The following ENOX1 variants were observed in gnomAD, a reference collection of about 807,000 sequenced individuals.
The protein encoded by ENOX1 is ecto-NOX disulfide-thiol exchanger 1.
A neutral mutation model predicts 82.5 loss-of-function variants in ENOX1; 42 were observed. That is an observed-to-expected ratio of 0.51 (90% CI 0.40 to 0.66). The LOEUF is 0.66. Among genes scored for constraint, ENOX1 ranks in the 30% least tolerant of loss-of-function variants. The probability of loss-of-function intolerance (pLI) is 0.00; values close to 1 mark genes in which losing one functional copy is unlikely to be tolerated. For synonymous variants in ENOX1, 271 were observed against 282.2 expected, an observed-to-expected ratio of 0.96 and a Z score of 0.40; for missense variants, 608 against 811.6, an observed-to-expected ratio of 0.75 and a Z score of 3.05.
chr13:43,337,676 C>T (rs562574645), intron 9 of ENOX1, among the ~76,000 whole-genome samples: 1 of 152,114 alleles, frequency 6.6e-6, no homozygotes, highest in Admixed American at 6.6e-5. Context: ...GATGACAGCA[C>T]ACCTCTTCAA....
chr13:43,379,690 T>C (rs2051895624), intron 5 of ENOX1, among the ~76,000 whole-genome samples: 1 of 151,496 alleles, frequency 6.6e-6, no homozygotes, highest in African/African-American at 2.4e-5. Flanking sequence ...CTGCAAGGAG[T>C]CTAAGATATT....
intron 11 of ENOX1, among the ~76,000 whole-genome samples, chr13:43,310,263 AT>A (rs1431719886): frequency 6.6e-6 from 1 of 151,890 alleles, no homozygotes; most frequent in Non-Finnish European, 1.5e-5. Flanking sequence ...AGCACTATTA[AT>A]CAAACACTAA....
intron 2 of ENOX1, among the ~76,000 whole-genome samples, chr13:43,526,713 C>A (rs1593638930): frequency 6.6e-6 from 1 of 152,226 alleles, no homozygotes; most frequent in East Asian, 1.9e-4. Context: ...TATTGTTATA[C>A]TCTAGCCTAC....
chr13:43,637,239 CTTAGAT>C (rs1421930941), intron 2 of ENOX1, among the ~76,000 whole-genome samples: 3 of 152,174 alleles, frequency 2.0e-5, no homozygotes, highest in Non-Finnish European at 4.4e-5. Context: ...ACACTCATAG[CTTAGAT>C]TTAGTCAGAA....
Position 43,299,228 on chromosome 13 carries a change from A to G in ENOX1, c.1262-698T>C, listed in dbSNP as rs191383748. 8.5e-5 allele frequency among the ~76,000 whole-genome samples: 13 copies of G among 152,332 alleles called. No homozygotes were observed. The East Asian group carries it at 2.5e-3, about 29-fold the overall frequency. ...CTTCATTCATATGTCTATCTTATTA[A>G]GAAACCAAGACAGTTAACTCAGGGT... On this transcript the variant is annotated intron_variant, in intron 11 of 16. Transcript: ENST00000690772.
intron 2 of ENOX1, among the ~76,000 whole-genome samples, chr13:43,598,488 G>A (rs1246905709): frequency 6.6e-6 from 1 of 152,116 alleles, no homozygotes; most frequent in African/African-American, 2.4e-5. Flanking sequence ...TTTAGAAAGC[G>A]TGGCCATTTT....
At chr13:43,295,473 G>A (rs1000492821) in intron 12 of ENOX1, among the ~76,000 whole-genome samples, 30 of 152,322 alleles carry the variant, frequency 2.0e-4, no homozygotes, top group African/African-American at 6.7e-4. Context: ...ACTGTGTGAT[G>A]TCAGTGAACA....
chr13:43,253,268 G>A (rs959818569), intron 14 of ENOX1, among the ~76,000 whole-genome samples: 27 of 150,350 alleles, frequency 1.8e-4, no homozygotes, highest in Middle Eastern at 3.4e-3. Context: ...TCCTGTTCCA[G>A]TCTTTCCCGC....
chr13:43,376,166 T>C (rs146612142), intron 5 of ENOX1, among the ~76,000 whole-genome samples: 2 of 152,342 alleles, frequency 1.3e-5, no homozygotes, highest in Non-Finnish European at 2.9e-5. Context: ...TTCAAATACA[T>C]TTGGTCAGTC....
At chr13:43,333,222 C>T (rs971787386) in intron 9 of ENOX1, among the ~76,000 whole-genome samples, 1 of 152,200 alleles carries the variant, frequency 6.6e-6, no homozygotes, top group South Asian at 2.1e-4. Context: ...TAAAAGAGCA[C>T]CTGAATTTTT....
At chr13:43,513,054 A>G (rs548320411) in intron 2 of ENOX1, among the ~76,000 whole-genome samples, 8 of 152,230 alleles carry the variant, frequency 5.3e-5, no homozygotes, top group Admixed American at 2.6e-4. Context: ...CACGCCTGCA[A>G]TCTCAGCACT....
At chr13:43,339,877 T>G (rs2048955269) in intron 9 of ENOX1, among the ~76,000 whole-genome samples, 1 of 152,240 alleles carries the variant, frequency 6.6e-6, no homozygotes, top group African/African-American at 2.4e-5. Context: ...GCCAGGAATA[T>G]TAATGCAGAC....
At chr13:43,373,128 G>C (rs560014177) in intron 5 of ENOX1, among the ~76,000 whole-genome samples, 1 of 151,874 alleles carries the variant, frequency 6.6e-6, no homozygotes, top group South Asian at 2.1e-4. Context: ...GTGTATATTA[G>C]AGTGTACATG....
At chr13:43,767,771 G>T (rs986818028) in intron 1 of ENOX1, among the ~76,000 whole-genome samples, 7 of 152,300 alleles carry the variant, frequency 4.6e-5, no homozygotes, top group Admixed American at 2.0e-4. Flanking sequence ...TTAATCAGTT[G>T]TCCACTGGCA....
At chr13:43,480,282 C>A (rs2153655182) in intron 3 of ENOX1, among the ~76,000 whole-genome samples, 2 of 152,234 alleles carry the variant, frequency 1.3e-5, no homozygotes, top group African/African-American at 4.8e-5. Flanking sequence ...CCTTGCATCA[C>A]AAAGAACTGT....
intron 12 of ENOX1, among the ~76,000 whole-genome samples, chr13:43,270,873 G>A (rs1450456791): frequency 1.3e-5 from 2 of 152,092 alleles, no homozygotes; most frequent in African/African-American, 2.4e-5. Flanking sequence ...TTCCATATGC[G>A]CTCACTTAAC....
intron 1 of ENOX1, among the ~76,000 whole-genome samples, chr13:43,751,274 G>A (rs1011531942): frequency 7.2e-5 from 11 of 152,164 alleles, no homozygotes; most frequent in African/African-American, 2.2e-4. Context: ...TTTCCCAGGA[G>A]AGACCCACTG....
At chr13:43,341,436 A>G (rs965908143) in intron 9 of ENOX1, among the ~76,000 whole-genome samples, 1 of 152,082 alleles carries the variant, frequency 6.6e-6, no homozygotes, top group Admixed American at 6.5e-5. Context: ...GGGAAAGGGC[A>G]CCCCAGGCAG....
intron 1 of ENOX1, among the ~76,000 whole-genome samples, chr13:43,721,156 A>G (rs1270817409): frequency 6.6e-6 from 1 of 152,182 alleles, no homozygotes; most frequent in Non-Finnish European, 1.5e-5. Flanking sequence ...CTGGTTTGGT[A>G]AGGACGGAGT....
Sources: allele counts gnomAD v4.1 joint callset (sites outside exome capture counted in the v4.1 genomes callset), GRCh38; gene constraint gnomAD v4.1.1; transcripts MANE v1.5; gene names NCBI Gene and HGNC (gene_info 2026-07-23, HGNC 2026-07-21).